Variants in LRRC4C observed in about 807,000 individuals in gnomAD.
LRRC4C encodes leucine-rich repeat-containing protein 4C.
LRRC4C carries 5 observed loss-of-function variants against 33.6 expected under a neutral mutation model. That is an observed-to-expected ratio of 0.15 (90% CI 0.08 to 0.31). The LOEUF (loss-of-function observed/expected upper bound fraction) is 0.31, where lower values mean the gene tolerates loss of function less well. Ranked by LOEUF, LRRC4C falls within the 10% of genes least tolerant of loss-of-function variation. LRRC4C has a pLI of 1.00. For missense variants in LRRC4C, 560 were observed against 796.7 expected (o/e 0.70, Z 3.58); for synonymous variants, 329 against 302.0 (o/e 1.09, Z -0.93).
intron 3 of LRRC4C, among the ~76,000 whole-genome samples, chr11:40,587,872 T>G (rs1051731963): frequency 3.3e-5 from 5 of 152,156 alleles, no homozygotes; most frequent in South Asian, 2.1e-4. Flanking sequence ...GCTGGATTCG[T>G]TTTGCCACTA....
rs532464412 is a variant in LRRC4C, at chr11:41,351,843, A to G, written c.-496+107588T>C. On this transcript the variant is annotated intron_variant, in intron 1 of 6. Transcript: ENST00000528697. ...ACTTTCACTAAGAGAGTTTGTTACC[A>G]TCAGACCTGCCATACAAGAGGTCCT... Among the ~76,000 whole-genome samples the G allele has an allele frequency of 1.7e-4, 26 of 152,350 alleles. No individual in the cohort carries two copies. In the South Asian group the frequency reaches 5.0e-3, roughly 29 times the overall value.
At chr11:40,607,380 C>T (rs563714569) in intron 3 of LRRC4C, among the ~76,000 whole-genome samples, 1 of 152,116 alleles carries the variant, frequency 6.6e-6, no homozygotes, top group Non-Finnish European at 1.5e-5. Context: ...CAACTTTGGT[C>T]TGCTATGTCC....
At chr11:41,408,405 C>A (rs1001535850) in intron 1 of LRRC4C, among the ~76,000 whole-genome samples, 3 of 152,108 alleles carry the variant, frequency 2.0e-5, no homozygotes, top group Non-Finnish European at 2.9e-5. Context: ...TGTCCATACT[C>A]TATAGGACTC....
chr11:40,536,402 C>A (rs1207066750), intron 3 of LRRC4C, among the ~76,000 whole-genome samples: 1 of 152,148 alleles, frequency 6.6e-6, no homozygotes, highest in Admixed American at 6.5e-5. Context: ...CCATGTTGGC[C>A]AGGATGGTCT....
At chr11:40,753,486 T>C (rs574653776) in intron 2 of LRRC4C, among the ~76,000 whole-genome samples, 1 of 150,712 alleles carries the variant, frequency 6.6e-6, no homozygotes, top group African/African-American at 2.4e-5. Flanking sequence ...TATGGAGTGG[T>C]ATAAAATGAA....
At chr11:40,980,383 G>T (rs567145892) in intron 1 of LRRC4C, among the ~76,000 whole-genome samples, 1 of 152,150 alleles carries the variant, frequency 6.6e-6, no homozygotes, top group South Asian at 2.1e-4. Flanking sequence ...ATGTAGTATA[G>T]ATTTCTTTCA....
At chr11:40,493,739 G>C (rs1316351314) in intron 3 of LRRC4C, among the ~76,000 whole-genome samples, 1 of 152,120 alleles carries the variant, frequency 6.6e-6, no homozygotes, top group Non-Finnish European at 1.5e-5. Context: ...AAAATTTGGA[G>C]CCTAATCCTC....
intron 1 of LRRC4C, among the ~76,000 whole-genome samples, chr11:40,999,725 T>G (rs1409052735): frequency 6.6e-6 from 1 of 152,114 alleles, no homozygotes; most frequent in Non-Finnish European, 1.5e-5. Context: ...AGAAAACACA[T>G]GGCAACAAGC....
chr11:40,263,470 T>A (rs1353495127), intron 4 of LRRC4C, among the ~76,000 whole-genome samples: 1 of 152,152 alleles, frequency 6.6e-6, no homozygotes, highest in Non-Finnish European at 1.5e-5. Context: ...TCACATTATA[T>A]CCTACAGGAA....
intron 1 of LRRC4C, among the ~76,000 whole-genome samples, chr11:41,312,719 A>G (rs1249270130): frequency 1.3e-5 from 2 of 152,210 alleles, no homozygotes; most frequent in Non-Finnish European, 2.9e-5. Context: ...AAAGTTTTTC[A>G]TGACCTCATT....
chr11:40,959,622 T>C (rs572142178), intron 1 of LRRC4C, among the ~76,000 whole-genome samples: 21 of 151,898 alleles, frequency 1.4e-4, no homozygotes, highest in African/African-American at 5.1e-4. Flanking sequence ...TTAAACATTT[T>C]ATTAAAGGTG....
chr11:40,553,960 A>G (rs796092169), intron 3 of LRRC4C, among the ~76,000 whole-genome samples: 32 of 152,066 alleles, frequency 2.1e-4, no homozygotes, highest in African/African-American at 7.2e-4. Flanking sequence ...TTAGGTCCCA[A>G]TTGTCAATTT....
chr11:40,316,847 G>T (rs1435956461), intron 4 of LRRC4C, among the ~76,000 whole-genome samples: 1 of 151,864 alleles, frequency 6.6e-6, no homozygotes, highest in African/African-American at 2.4e-5. Flanking sequence ...TTGAATTTCT[G>T]AGATAAACTC....
intron 2 of LRRC4C, among the ~76,000 whole-genome samples, chr11:40,749,588 A>G (rs1948588519): frequency 6.6e-6 from 1 of 151,882 alleles, no homozygotes; most frequent in Non-Finnish European, 1.5e-5. Context: ...AATAAACCAA[A>G]GCCAAAATTA....
intron 1 of LRRC4C, among the ~76,000 whole-genome samples, chr11:41,160,829 T>C (rs549414041): frequency 5.8e-4 from 89 of 152,308 alleles, no homozygotes; most frequent in Middle Eastern, 6.8e-3. Flanking sequence ...GAAATTCTCA[T>C]AGTAGTGAGA....
chr11:40,810,056 T>C (rs759538280), intron 2 of LRRC4C, among the ~76,000 whole-genome samples: 18 of 152,192 alleles, frequency 1.2e-4, no homozygotes, highest in Non-Finnish European at 2.2e-4. Context: ...TTGTCTCTAT[T>C]TATTACCTCC....
At chr11:41,076,985 G>T (rs1161757342) in intron 1 of LRRC4C, among the ~76,000 whole-genome samples, 1 of 152,156 alleles carries the variant, frequency 6.6e-6, no homozygotes, top group African/African-American at 2.4e-5. Context: ...CCAAAACCAG[G>T]CCGGGCAGTC....
chr11:40,687,765 A>T (rs1945031599), intron 2 of LRRC4C, among the ~76,000 whole-genome samples: 1 of 152,090 alleles, frequency 6.6e-6, no homozygotes, highest in Admixed American at 6.6e-5. Context: ...ATGAGGGCTA[A>T]AACCTAAATT....
chr11:41,021,135 T>C (rs1397218458), intron 1 of LRRC4C, among the ~76,000 whole-genome samples: 1 of 149,486 alleles, frequency 6.7e-6, no homozygotes, highest in East Asian at 2.0e-4. Flanking sequence ...GTCCCTGTTA[T>C]TTTGTTCCCA....
Sources: allele counts gnomAD v4.1 joint callset (sites outside exome capture counted in the v4.1 genomes callset), GRCh38; gene constraint gnomAD v4.1.1; transcripts MANE v1.5; gene names NCBI Gene and HGNC (gene_info 2026-07-23, HGNC 2026-07-21).